Variants in SMG6 observed in about 807,000 individuals in gnomAD.
SMG6 encodes the protein telomerase-binding protein EST1A.
In SMG6, 66 loss-of-function variants were observed where a neutral mutation model predicts 142.2. The ratio of observed to expected loss-of-function variants is 0.46; its 90% CI spans 0.38 to 0.57. SMG6 has a LOEUF of 0.57. Among genes scored for constraint, SMG6 ranks in the 20% least tolerant of loss-of-function variants. The probability of loss-of-function intolerance (pLI) is 0.00; values close to 1 mark genes in which losing one functional copy is unlikely to be tolerated. For synonymous variants in SMG6, 779 were observed against 702.4 expected, an observed-to-expected ratio of 1.11 and a Z score of -1.72; for missense variants, 1,793 against 1,832.0, an observed-to-expected ratio of 0.98 and a Z score of 0.39.
Position 2,221,849 on chromosome 17 carries a change from G to T in SMG6, c.2869+14643C>A, listed in dbSNP as rs547794977. On this transcript the variant is annotated intron_variant, in intron 10 of 18. Coordinates refer to ENST00000263073, the MANE Select transcript of SMG6 (RefSeq NM_017575.5). ...AGCTCCACCTCCCGGGTTAACGCCA[G>T]TCTCCTGCCTCAGCCTCCCAAGTAG... is the stretch of plus-strand genomic sequence containing the variant. 1.1e-4 allele frequency among the ~76,000 whole-genome samples: 16 copies of T among 152,168 alleles called. No homozygotes were observed. The South Asian group carries it at 2.5e-3, about 24-fold the overall frequency.
At chr17:2,126,898 G>C (rs562388655) in intron 13 of SMG6, among the ~76,000 whole-genome samples, 2 of 128,978 alleles carry the variant, frequency 1.6e-5, no homozygotes, top group East Asian at 4.2e-4. Flanking sequence ...ACACACACAC[G>C]CACACACATG....
At chr17:2,212,836 A>T (rs1264689848) in intron 10 of SMG6, 1 of 152,322 alleles carries the variant, frequency 6.6e-6, no homozygotes, top group Non-Finnish European at 1.5e-5. Context: ...TCACAGAGCC[A>T]GAAACACAGC....
intron 15 of SMG6, among the ~76,000 whole-genome samples, chr17:2,074,473 G>A (rs1250492057): frequency 6.6e-6 from 1 of 152,056 alleles, no homozygotes; most frequent in Admixed American, 6.5e-5. Flanking sequence ...CTTCATTTGG[G>A]GTACACTGCA....
chr17:2,257,925 C>A (rs924643021), intron 8 of SMG6, among the ~76,000 whole-genome samples: 1 of 148,294 alleles, frequency 6.7e-6, no homozygotes. Flanking sequence ...AGGAGAATCA[C>A]TTGAACCCAG....
chr17:2,097,620 C>T (rs2068891842), intron 13 of SMG6, among the ~76,000 whole-genome samples: 1 of 152,088 alleles, frequency 6.6e-6, no homozygotes, highest in Non-Finnish European at 1.5e-5. Flanking sequence ...GCTTCTAATT[C>T]GGTTCTCTGG....
chr17:2,107,451 C>G (rs1264898336), intron 13 of SMG6, among the ~76,000 whole-genome samples: 1 of 152,194 alleles, frequency 6.6e-6, no homozygotes. Context: ...ACTTGTAAAT[C>G]TAAGTGAGAA....
intron 12 of SMG6, among the ~76,000 whole-genome samples, chr17:2,180,486 ACACATGCC>A (rs1316948587): frequency 1.3e-5 from 2 of 152,212 alleles, no homozygotes; most frequent in African/African-American, 2.4e-5. Context: ...GAGGGAAGGC[ACACATGCC>A]CACATGCCCA....
Position 2,119,591 on chromosome 17 carries a change from C to T in SMG6, c.3358-33690G>A, listed in dbSNP as rs568176987. On this transcript the variant is annotated intron_variant, in intron 13 of 18. Coordinates refer to ENST00000263073, the MANE Select transcript of SMG6 (RefSeq NM_017575.5). ...CTCGGCTCACTGCAACCTCTGCCTC[C>T]TGGGTTCAAGCGATTCTTGTGCCTC... is the stretch of plus-strand genomic sequence containing the variant. 2.6e-5 allele frequency among the ~76,000 whole-genome samples: 4 copies of T among 152,240 alleles called. No homozygotes were observed. The East Asian group carries it at 7.7e-4, about 29-fold the overall frequency.
chr17:2,213,055 G>A (rs1193046257), intron 10 of SMG6, among the ~76,000 whole-genome samples: 2 of 152,236 alleles, frequency 1.3e-5, no homozygotes, highest in African/African-American at 4.8e-5. Context: ...ACTTCCGAGA[G>A]TGAAGGGGTG....
At chr17:2,076,631 T>C (rs918489450) in intron 15 of SMG6, among the ~76,000 whole-genome samples, 1 of 152,084 alleles carries the variant, frequency 6.6e-6, no homozygotes, top group Non-Finnish European at 1.5e-5. Context: ...GACAGATGTG[T>C]CTGGCTTACG....
At chr17:2,147,221 T>C (rs1409496908) in intron 13 of SMG6, among the ~76,000 whole-genome samples, 7 of 152,086 alleles carry the variant, frequency 4.6e-5, no homozygotes, top group African/African-American at 1.4e-4. Context: ...GGTGAAACCC[T>C]GTCTCTACTA....
chr17:2,073,498 C>T (rs2068168124), intron 15 of SMG6, among the ~76,000 whole-genome samples: 1 of 151,040 alleles, frequency 6.6e-6, no homozygotes, highest in Non-Finnish European at 1.5e-5. Flanking sequence ...ATCATGAGGT[C>T]AGGAGTTCGA....
chr17:2,082,449 A>C (rs1488126271), intron 14 of SMG6: 1 of 162,448 alleles, frequency 6.2e-6, no homozygotes, highest in Non-Finnish European at 1.4e-5. Flanking sequence ...AGACAGCATC[A>C]GGGACAGATG....
chr17:2,094,780 C>T (rs1282419122), intron 13 of SMG6: 1 of 152,182 alleles, frequency 6.6e-6, no homozygotes, highest in African/African-American at 2.4e-5. Flanking sequence ...GTATTTTCTA[C>T]CCACCTGAAT....
chr17:2,197,868 G>A (rs1567676125), intron 10 of SMG6, among the ~76,000 whole-genome samples: 1 of 152,220 alleles, frequency 6.6e-6, no homozygotes, highest in East Asian at 1.9e-4. Flanking sequence ...TGGATCACAT[G>A]TACGTTGCTG....
At position 2,236,501 on chromosome 17, in the gene SMG6, G is replaced by A. The variant is rs779799368; in HGVS notation, c.2860C>T (p.Gln954Ter). Reference protein sequence around the residue: ...TINMFAVHNSQLKDCFSEECR... With the variant: ...TINMFAVHNS ...ACTAAACATGCCTTACCTTTCAGCTGGGAGTTGTGTACTGCAAACATATTG... is the reference window on the plus strand; with the variant it reads ...ACTAAACATGCCTTACCTTTCAGCTAGGAGTTGTGTACTGCAAACATATTG... The change falls in exon 10 of 19, where the codon CAG becomes TAG. Residue 954 changes from glutamine (Q) to a stop codon, truncating the protein, a stop_gained. Coordinates refer to ENST00000263073, the MANE Select transcript of SMG6 (RefSeq NM_017575.5). LOFTEE classifies it high-confidence loss of function. The A allele has an allele frequency of 6.2e-7, 1 of 1,612,242 alleles. No individual in the cohort carries two copies. Among genetic ancestry groups the A allele is most frequent in the South Asian group, 1.1e-5 (1 of 90,510 alleles).
intron 13 of SMG6, among the ~76,000 whole-genome samples, chr17:2,104,014 C>G (rs1406409975): frequency 6.6e-6 from 1 of 151,338 alleles, no homozygotes; most frequent in Non-Finnish European, 1.5e-5. Context: ...TGTAATGGCA[C>G]GATCTCAGCT....
At chr17:2,173,861 T>G (rs372710508) in intron 12 of SMG6, among the ~76,000 whole-genome samples, 3,409 of 146,376 alleles carry the variant, frequency 0.023, 50 homozygotes, top group South Asian at 0.065. Context: ...TTTTTTTTTT[T>G]TTTTTTTTTT....
chr17:2,226,812 G>A (rs1270824577), intron 10 of SMG6, among the ~76,000 whole-genome samples: 1 of 151,892 alleles, frequency 6.6e-6, no homozygotes, highest in East Asian at 1.9e-4. Context: ...CACGAGAATT[G>A]TTTAAATCCA....
Sources: allele counts gnomAD v4.1 joint callset (sites outside exome capture counted in the v4.1 genomes callset), GRCh38; gene constraint gnomAD v4.1.1; transcripts MANE v1.5; gene names NCBI Gene and HGNC (gene_info 2026-07-23, HGNC 2026-07-21).